PRMT8: variants seen among roughly 807,000 people sequenced by gnomAD.
PRMT8 encodes the protein protein arginine methyltransferase 8.
PRMT8 carries 7 observed loss-of-function variants against 47.1 expected under a neutral mutation model. The observed-to-expected ratio is 0.15, with a 90% CI of 0.08 to 0.28. PRMT8 has a LOEUF of 0.28. Ranked by LOEUF, PRMT8 falls within the 10% of genes least tolerant of loss-of-function variation. The pLI, the probability that PRMT8 is intolerant of heterozygous loss-of-function variation, is 1.00. For missense variants in PRMT8, 237 were observed against 505.4 expected (o/e 0.47, Z 5.09); for synonymous variants, 188 against 186.5 (o/e 1.01, Z -0.07).
chr12:3,526,586 T>C (rs1007860530), intron 1 of PRMT8, among the ~76,000 whole-genome samples: 2 of 152,198 alleles, frequency 1.3e-5, no homozygotes, highest in African/African-American at 4.8e-5. Flanking sequence ...TGGTATCTCA[T>C]TGAAGTTTGG....
At position 3,492,882 on chromosome 12, in the gene PRMT8, C is replaced by T. The variant is rs937910247; in HGVS notation, c.75+1182C>T. 1.3e-5 allele frequency among the ~76,000 whole-genome samples: 2 copies of T among 151,942 alleles called. No homozygotes were observed. Among genetic ancestry groups the T allele is most frequent in the African/African-American group, 4.8e-5 (2 of 41,380 alleles). On this transcript the variant is annotated intron_variant, in intron 1 of 9. Transcript: ENST00000382622. The surrounding 1 kb of genome is among the most constrained non-coding windows in gnomAD (Gnocchi z 7.5). Reference sequence around the variant, plus strand: ...TCTGGTGGGGCTGCCGCACATTTCACATATGGTTACCCATATGCAGCGGGG... The same window carrying T: ...TCTGGTGGGGCTGCCGCACATTTCATATATGGTTACCCATATGCAGCGGGG...
intron 1 of PRMT8, among the ~76,000 whole-genome samples, chr12:3,399,648 T>C (rs1864297439): frequency 6.6e-6 from 1 of 152,152 alleles, no homozygotes; most frequent in African/African-American, 2.4e-5. Context: ...TCCCTCACAG[T>C]GAAGTTAGGG....
intron 1 of PRMT8, among the ~76,000 whole-genome samples, chr12:3,469,920 G>A (rs1865141744): frequency 1.3e-5 from 2 of 152,158 alleles, no homozygotes; most frequent in Admixed American, 6.5e-5. Flanking sequence ...CACACACACA[G>A]CATCGCCACG....
At chr12:3,440,304 C>CA (rs563519399) in intron 1 of PRMT8, among the ~76,000 whole-genome samples, 9 of 151,648 alleles carry the variant, frequency 5.9e-5, no homozygotes, top group African/African-American at 9.7e-5. Context: ...ACTAAATATA[C>CA]AAAAAAAATT....
chr12:3,569,512 T>C lies in PRMT8; in HGVS notation c.660T>C (p.Ala220=), dbSNP rs771539124. The C allele has an allele frequency of 1.9e-6, 3 of 1,614,198 alleles. No individual in the cohort carries two copies. Among genetic ancestry groups the C allele is most frequent in the Admixed American group, 1.7e-5 (1 of 60,024 alleles). The change falls in exon 6 of 10, where the codon GCT becomes GCC. Residue 220 remains alanine, a synonymous_variant. Coordinates refer to ENST00000382622, the MANE Select transcript of PRMT8 (RefSeq NM_019854.5). This position sits in a 1 kb window ranked among gnomAD's most constrained non-coding sequence, Gnocchi z 8.2. ...PGGLMFPDRA[A]LYVVAIEDRQ... is the part of the protein sequence containing the mutation. Reference sequence around the variant, plus strand: ...GGCTTATGTTTCCAGACCGGGCAGCTTTGTACGTGGTAGCGATTGAAGACA... The same window carrying C: ...GGCTTATGTTTCCAGACCGGGCAGCCTTGTACGTGGTAGCGATTGAAGACA...
Position 3,572,152 on chromosome 12 carries a change from G to T in PRMT8, c.712+2588G>T, listed in dbSNP as rs1187855768. 6.6e-6 allele frequency among the ~76,000 whole-genome samples: 1 copy of T among 151,964 alleles called. No individual in the cohort carries two copies. Among genetic ancestry groups the T allele is most frequent in the Non-Finnish European group, 1.5e-5 (1 of 68,026 alleles). The stretch of plus-strand genomic sequence containing the variant: ...CAAGAATGAGGTCAGTGCAGAACCT[G>T]CCCTCCATTTGCTCACCAATGAATA... On this transcript the variant is annotated intron_variant, in intron 6 of 9. Coordinates refer to ENST00000382622, the MANE Select transcript of PRMT8 (RefSeq NM_019854.5). This position sits in a 1 kb window ranked among gnomAD's most constrained non-coding sequence, Gnocchi z 5.9.
At chr12:3,452,970 A>G (rs1026590877) in intron 1 of PRMT8, among the ~76,000 whole-genome samples, 2 of 152,194 alleles carry the variant, frequency 1.3e-5, no homozygotes, top group African/African-American at 4.8e-5. Context: ...CATTTCAAAC[A>G]AACAAAAAAT....
intron 1 of PRMT8, among the ~76,000 whole-genome samples, chr12:3,459,970 C>T (rs1226966756): frequency 1.3e-5 from 2 of 152,202 alleles, no homozygotes; most frequent in Non-Finnish European, 2.9e-5. Context: ...ACGTCAAACC[C>T]TACCACACCG....
chr12:3,527,726 C>G (rs886259837), intron 1 of PRMT8, among the ~76,000 whole-genome samples: 2 of 151,912 alleles, frequency 1.3e-5, no homozygotes, highest in Admixed American at 1.3e-4. Context: ...AGAAAAAAAG[C>G]CTTTTATATT....
chr12:3,539,168 A>T (rs1011508206), intron 1 of PRMT8, among the ~76,000 whole-genome samples: 1 of 152,252 alleles, frequency 6.6e-6, no homozygotes, highest in East Asian at 1.9e-4. Flanking sequence ...TGATGTATGT[A>T]ATAATCATAA....
intron 2 of PRMT8, among the ~76,000 whole-genome samples, chr12:3,542,441 A>C (rs923032328): frequency 1.3e-5 from 2 of 152,196 alleles, no homozygotes; most frequent in African/African-American, 4.8e-5. Context: ...TTGGCCTGTG[A>C]GAGGCTCTTG....
chr12:3,397,711 G>T (rs560095651), intron 1 of PRMT8, among the ~76,000 whole-genome samples: 1 of 152,262 alleles, frequency 6.6e-6, no homozygotes, highest in East Asian at 1.9e-4. Flanking sequence ...GAGGCAGGCA[G>T]GCCTCCTTGA....
chr12:3,548,567 A>C (rs1278510205), intron 2 of PRMT8, among the ~76,000 whole-genome samples: 1 of 149,312 alleles, frequency 6.7e-6, no homozygotes, highest in Non-Finnish European at 1.5e-5. Flanking sequence ...ATAGCCAATA[A>C]GCACATGAAA....
At chr12:3,590,878 C>T (rs1478242786) in intron 8 of PRMT8, among the ~76,000 whole-genome samples, 1 of 152,116 alleles carries the variant, frequency 6.6e-6, no homozygotes, top group Non-Finnish European at 1.5e-5. Flanking sequence ...ACCGAGGAAG[C>T]AAGGCTGGCC....
chr12:3,572,186 A>G lies in PRMT8; in HGVS notation c.712+2622A>G, dbSNP rs78109367. On this transcript the variant is annotated intron_variant, in intron 6 of 9. Coordinates refer to ENST00000382622, the MANE Select transcript of PRMT8 (RefSeq NM_019854.5). The surrounding 1 kb of genome is among the most constrained non-coding windows in gnomAD (Gnocchi z 5.9). ...TTGCTCACCAATGAATAGAGACCAC[A>G]TAGAGACAGAGATAAATATCTGGCA... Among the ~76,000 whole-genome samples the G allele has an allele frequency of 1.3e-3, 204 of 152,278 alleles. 1 individual carries two copies. The highest frequency in any genetic ancestry group is 4.3e-3 in the African/African-American group (178 of 41,544).
At chr12:3,397,791 C>T (rs1446419083) in intron 1 of PRMT8, among the ~76,000 whole-genome samples, 3 of 152,132 alleles carry the variant, frequency 2.0e-5, no homozygotes, top group Admixed American at 6.5e-5. Flanking sequence ...CGGGCAATGG[C>T]GGGCGCCCCT....
intron 1 of PRMT8, among the ~76,000 whole-genome samples, chr12:3,443,906 T>A (rs73254133): frequency 6.6e-6 from 1 of 152,206 alleles, no homozygotes; most frequent in Non-Finnish European, 1.5e-5. Flanking sequence ...GCATTAGCTC[T>A]CTCTCCTGTA....
intron 1 of PRMT8, among the ~76,000 whole-genome samples, chr12:3,408,940 G>A (rs1027352045): frequency 1.3e-5 from 2 of 152,198 alleles, no homozygotes; most frequent in Admixed American, 1.3e-4. Context: ...GGGTTTTCCT[G>A]TTCTCATTTT....
intron 1 of PRMT8, among the ~76,000 whole-genome samples, chr12:3,519,134 G>A (rs1384114860): frequency 2.0e-5 from 3 of 152,026 alleles, no homozygotes; most frequent in Non-Finnish European, 4.4e-5. Flanking sequence ...CTTTGCAGAC[G>A]GACAGAGGGG....
Sources: gnomAD v4.1 joint callset for allele counts (sites outside exome capture counted in the v4.1 genomes callset) on GRCh38, gnomAD v4.1.1 for gene constraint, Gnocchi (gnomAD v3.1) non-coding constraint, MANE v1.5 for transcripts, NCBI Gene and HGNC (gene_info 2026-07-23, HGNC 2026-07-21) for gene names.